The following XRCC4 variants were observed in gnomAD, a reference collection of about 807,000 sequenced individuals.
The protein encoded by XRCC4 is DNA repair protein XRCC4.
XRCC4 carries 28 observed loss-of-function variants against 39.1 expected under a neutral mutation model. The observed-to-expected ratio is 0.72, with a 90% CI of 0.53 to 0.98. The LOEUF (loss-of-function observed/expected upper bound fraction) is 0.98, where lower values mean the gene tolerates loss of function less well. Among genes scored for constraint, XRCC4 ranks in the 50% least tolerant of loss-of-function variants. XRCC4 has a pLI of 0.00. For synonymous variants in XRCC4, 123 were observed against 126.4 expected, an observed-to-expected ratio of 0.97 and a Z score of 0.18; for missense variants, 350 against 376.4, an observed-to-expected ratio of 0.93 and a Z score of 0.58.
intron 7 of XRCC4, among the ~76,000 whole-genome samples, chr5:83,303,920 T>G (rs1755386103): frequency 6.6e-6 from 1 of 152,142 alleles, no homozygotes; most frequent in Admixed American, 6.5e-5. Flanking sequence ...CTAATGACTT[T>G]GCACTCAACT....
At chr5:83,294,290 T>A (rs1392088299) in intron 7 of XRCC4, among the ~76,000 whole-genome samples, 1 of 152,018 alleles carries the variant, frequency 6.6e-6, no homozygotes, top group Non-Finnish European at 1.5e-5. Context: ...AGAAATATAA[T>A]TGAAAGACAA....
chr5:83,093,452 AAATGAACC>A (rs573901787), intron 1 of XRCC4, among the ~76,000 whole-genome samples: 66 of 152,342 alleles, frequency 4.3e-4, no homozygotes, highest in African/African-American at 1.6e-3. Context: ...ACTTTAAATG[AAATGAACC>A]GTAACAGACA....
chr5:83,102,334 G>A (rs1033753037), intron 1 of XRCC4, among the ~76,000 whole-genome samples: 3 of 152,170 alleles, frequency 2.0e-5, no homozygotes, highest in Middle Eastern at 3.4e-3. Context: ...GAGGCCTGTC[G>A]TGTGTAAGAG....
intron 3 of XRCC4, among the ~76,000 whole-genome samples, chr5:83,149,507 A>C (rs936929219): frequency 6.6e-6 from 1 of 152,130 alleles, no homozygotes; most frequent in East Asian, 1.9e-4. Context: ...CAAAAACTCC[A>C]AATTTTCTAG....
rs1746130691 is a variant in XRCC4, at chr5:83,105,038, A to G, written c.119A>G (p.His40Arg). Residue 40 changes from histidine to arginine, a missense_variant, in exon 2 of 8, where the codon CAT (histidine) becomes CGT (arginine). His to Arg is a conservative substitution (Grantham distance 29, BLOSUM62 0). Coordinates refer to ENST00000396027, the MANE Select transcript of XRCC4 (RefSeq NM_003401.5). ...SGFVITLTDG[H>R]SAWTGTVSES... ...TTTGTTATTACACTTACTGATGGTC[A>G]TTCAGCATGGACTGGGACAGGTAAT... 1 of 1,613,140 alleles carries G rather than the reference A, an allele frequency of 6.2e-7. No individual in the cohort carries two copies. The highest frequency in any genetic ancestry group is 8.5e-7 in the Non-Finnish European group (1 of 1,179,632).
chr5:83,152,662 A>T (rs1480916577), intron 3 of XRCC4, among the ~76,000 whole-genome samples: 3 of 151,692 alleles, frequency 2.0e-5, no homozygotes, highest in Non-Finnish European at 4.4e-5. Flanking sequence ...AAGAAATAGA[A>T]CTTCAAATAT....
At chr5:83,157,307 C>A (rs1288709757) in intron 3 of XRCC4, among the ~76,000 whole-genome samples, 1 of 152,080 alleles carries the variant, frequency 6.6e-6, no homozygotes. Flanking sequence ...TGAAGCTTCC[C>A]TACTCTGTTC....
At chr5:83,342,644 C>T (rs753298052) in intron 7 of XRCC4, among the ~76,000 whole-genome samples, 1 of 152,130 alleles carries the variant, frequency 6.6e-6, no homozygotes, top group Non-Finnish European at 1.5e-5. Flanking sequence ...AACGAAATGA[C>T]GTGTAGGCCT....
intron 7 of XRCC4, among the ~76,000 whole-genome samples, chr5:83,310,400 G>A (rs1755663744): frequency 6.6e-6 from 1 of 152,144 alleles, no homozygotes; most frequent in African/African-American, 2.4e-5. Flanking sequence ...GCTAAATAAG[G>A]AGGATGGGCC....
At chr5:83,153,214 C>CTTT (rs36084579) in intron 3 of XRCC4, among the ~76,000 whole-genome samples, 2 of 145,230 alleles carry the variant, frequency 1.4e-5, no homozygotes, top group Non-Finnish European at 3.0e-5. Context: ...TTCATTCAAA[C>CTTT]TTTTTTTTTT....
chr5:83,094,199 AC>A (rs1007098423), intron 1 of XRCC4, among the ~76,000 whole-genome samples: 91 of 152,008 alleles, frequency 6.0e-4, no homozygotes, highest in African/African-American at 2.1e-3. Flanking sequence ...ATATGCATCT[AC>A]CTACTTTGTT....
chr5:83,102,049 C>T (rs1745966533), intron 1 of XRCC4, among the ~76,000 whole-genome samples: 1 of 150,592 alleles, frequency 6.6e-6, no homozygotes, highest in African/African-American at 2.4e-5. Context: ...CAACACAACC[C>T]CTATCACTCT....
intron 3 of XRCC4, among the ~76,000 whole-genome samples, chr5:83,188,285 G>T (rs1034438695): frequency 6.6e-6 from 1 of 152,096 alleles, no homozygotes; most frequent in Non-Finnish European, 1.5e-5. Context: ...TGAGTTCCTT[G>T]TAGCCTTTTG....
At chr5:83,334,844 A>G (rs1756547692) in intron 7 of XRCC4, among the ~76,000 whole-genome samples, 1 of 151,990 alleles carries the variant, frequency 6.6e-6, no homozygotes, top group Non-Finnish European at 1.5e-5. Flanking sequence ...TGGGATCTGT[A>G]TAGGATTTAG....
intron 6 of XRCC4, among the ~76,000 whole-genome samples, chr5:83,243,827 A>T (rs1753002324): frequency 6.6e-6 from 1 of 152,168 alleles, no homozygotes; most frequent in Non-Finnish European, 1.5e-5. Context: ...GAAGGGAAGG[A>T]CAAAACAGGA....
chr5:83,120,692 G>A (rs1338738790), intron 3 of XRCC4, among the ~76,000 whole-genome samples: 1 of 152,100 alleles, frequency 6.6e-6, no homozygotes, highest in Non-Finnish European at 1.5e-5. Context: ...ATGAATATCT[G>A]GTGATTTCAA....
intron 7 of XRCC4, among the ~76,000 whole-genome samples, chr5:83,312,406 T>G (rs904689140): frequency 6.6e-6 from 1 of 152,178 alleles, no homozygotes; most frequent in African/African-American, 2.4e-5. Context: ...TTTTATAGAA[T>G]TACTTTCTAA....
intron 4 of XRCC4, among the ~76,000 whole-genome samples, chr5:83,199,702 C>T (rs1751097367): frequency 6.6e-6 from 1 of 151,720 alleles, no homozygotes; most frequent in Non-Finnish European, 1.5e-5. Flanking sequence ...ATTGTTTTCC[C>T]ACCCAGAGAC....
chr5:83,368,824 A>G, the XRCC4 span, among the ~76,000 whole-genome samples: 2 of 152,324 alleles, frequency 1.3e-5, no homozygotes, highest in African/African-American at 4.8e-5. Flanking sequence ...GTGTGTTAAT[A>G]GCCTTTTGAC....
Sources: allele counts gnomAD v4.1 joint callset (sites outside exome capture counted in the v4.1 genomes callset), GRCh38; gene constraint gnomAD v4.1.1; transcripts MANE v1.5; gene names NCBI Gene and HGNC (gene_info 2026-07-23, HGNC 2026-07-21).